Variants in JARID2 observed in about 807,000 individuals in gnomAD.
JARID2 encodes the protein protein Jumonji.
Under a neutral mutation model 125.6 loss-of-function variants are expected in JARID2, and 21 were observed. That is an observed-to-expected ratio of 0.17 (90% confidence interval 0.12 to 0.24). The LOEUF is 0.24. JARID2 is among the 10% of genes least tolerant of loss of function. The pLI is 1.00. For synonymous variants in JARID2, 736 were observed against 661.6 expected, an observed-to-expected ratio of 1.11 and a Z score of -1.73; for missense variants, 1,303 against 1,639.6, an observed-to-expected ratio of 0.79 and a Z score of 3.55.
chr6:15,449,955 T>A (rs1039408270), intron 3 of JARID2, among the ~76,000 whole-genome samples: 3 of 152,136 alleles, frequency 2.0e-5, no homozygotes, highest in Admixed American at 1.3e-4. Flanking sequence ...GTGGAGGATT[T>A]ATGAGGTTAA....
chr6:15,517,188 TTC>T lies in JARID2; in HGVS notation c.3480_3481del (p.Phe1160LeufsTer26). The part of the protein sequence containing the change: ...MVVQENENVV[F>X]CLECALRHVE... ...GGTACAAGAGAACGAAAACGTCGTG[TTC>T]TGTCTGGAGTGTGCTCTGCGCCACG... On this transcript the variant is annotated frameshift_variant, in exon 17 of 18. Coordinates refer to ENST00000341776, the MANE Select transcript of JARID2 (RefSeq NM_004973.4). LOFTEE classifies it high-confidence loss of function. 6.2e-7 allele frequency: 1 copy of T among 1,614,032 alleles called. No individual in the cohort carries two copies. The highest frequency in any genetic ancestry group is 8.5e-7 in the Non-Finnish European group (1 of 1,179,930).
chr6:15,358,955 A>C (rs1425750760), intron 1 of JARID2, among the ~76,000 whole-genome samples: 1 of 152,228 alleles, frequency 6.6e-6, no homozygotes, highest in African/African-American at 2.4e-5. Context: ...TGAGGAAGTC[A>C]TTAAGTGGTT....
chr6:15,488,832 C>T (rs1184408134), intron 6 of JARID2, among the ~76,000 whole-genome samples: 3 of 152,212 alleles, frequency 2.0e-5, no homozygotes, highest in African/African-American at 2.4e-5. Flanking sequence ...ACACTGGCCA[C>T]TGTTGGCCAA....
At chr6:15,375,787 G>C (rs540008213) in intron 2 of JARID2, among the ~76,000 whole-genome samples, 1 of 152,336 alleles carries the variant, frequency 6.6e-6, no homozygotes, top group East Asian at 1.9e-4. Context: ...GAGTGGAGCA[G>C]TGACTGCTGT....
chr6:15,246,175 A>G lies in JARID2; in HGVS notation c.-365A>G. On this transcript the variant is annotated 5_prime_UTR_variant, in exon 1 of 18. Coordinates refer to ENST00000341776, the MANE Select transcript of JARID2 (RefSeq NM_004973.4). The stretch of plus-strand genomic sequence containing the variant: ...TCCAAGATGTAACTACGGATCAGAC[A>G]CTAAGGACCTTCACGTTTCGCTGAT... The G allele has an allele frequency of 8.9e-6, 4 of 451,580 alleles. No homozygotes were observed. The highest frequency in any genetic ancestry group is 1.5e-5 in the Non-Finnish European group (4 of 258,516). The allele number at this position is 451,580 out of a possible 1,614,324, so 28.0% of individuals were successfully genotyped here. A position where few individuals can be genotyped will look rare whatever the true frequency, so the allele number is the denominator to read the frequency against.
At chr6:15,425,394 G>A (rs1188922281) in intron 3 of JARID2, among the ~76,000 whole-genome samples, 1 of 144,696 alleles carries the variant, frequency 6.9e-6, no homozygotes, top group African/African-American at 2.6e-5. Flanking sequence ...TGCATCCCAG[G>A]GAAAGTAGAG....
chr6:15,496,326 C>T lies in JARID2; in HGVS notation c.1101C>T (p.Pro367=). 6.2e-7 allele frequency: 1 copy of T among 1,614,182 alleles called. No homozygotes were observed. The highest frequency in any genetic ancestry group is 1.6e-4 in the Middle Eastern group (1 of 6,062). The part of the protein sequence containing the change: ...VKDTKPNHHK[P]SSAVNHTISG... ...ACACCAAACCCAATCACCACAAGCCCAGTTCCGCTGTCAACCACACAATCT... is the reference window on the plus strand; with the variant it reads ...ACACCAAACCCAATCACCACAAGCCTAGTTCCGCTGTCAACCACACAATCT... The change falls in exon 7 of 18, where the codon CCC becomes CCT. Residue 367 remains proline, a synonymous_variant. Transcript: ENST00000341776.
At chr6:15,279,308 GT>G (rs1403877296) in intron 1 of JARID2, among the ~76,000 whole-genome samples, 1 of 152,116 alleles carries the variant, frequency 6.6e-6, no homozygotes, top group Non-Finnish European at 1.5e-5. Context: ...TTCTGAAATG[GT>G]TGGAGCACGT....
chr6:15,366,144 G>A (rs960858722), intron 1 of JARID2, among the ~76,000 whole-genome samples: 19 of 152,188 alleles, frequency 1.2e-4, no homozygotes, highest in Admixed American at 1.2e-3. Flanking sequence ...GCTGGAACAG[G>A]TTTGGCATAT....
chr6:15,251,762 AG>A (rs34808542), intron 1 of JARID2, among the ~76,000 whole-genome samples: 79,244 of 151,922 alleles, frequency 0.52, 21,421 homozygotes, highest in African/African-American at 0.67. Context: ...GCGGATCATG[AG>A]GGTCAGGAGT....
intron 1 of JARID2, among the ~76,000 whole-genome samples, chr6:15,345,736 G>T (rs935569532): frequency 1.3e-5 from 2 of 152,202 alleles, no homozygotes; most frequent in Non-Finnish European, 2.9e-5. Flanking sequence ...TTCTGAGAAA[G>T]AATTCCATTT....
chr6:15,432,063 G>A (rs1158143603), intron 3 of JARID2, among the ~76,000 whole-genome samples: 1 of 150,494 alleles, frequency 6.6e-6, no homozygotes, highest in African/African-American at 2.4e-5. Flanking sequence ...GGTTCTTGGC[G>A]TTTTGAACAA....
chr6:15,308,604 A>G (rs1375688089), intron 1 of JARID2, among the ~76,000 whole-genome samples: 2 of 152,234 alleles, frequency 1.3e-5, no homozygotes, highest in African/African-American at 4.8e-5. Flanking sequence ...CCTTAAAAAC[A>G]ACGAGATTAG....
intron 1 of JARID2, among the ~76,000 whole-genome samples, chr6:15,315,874 G>A (rs1278794146): frequency 1.3e-5 from 2 of 152,170 alleles, no homozygotes; most frequent in African/African-American, 2.4e-5. Context: ...TCAGACATGA[G>A]TTTCTCAGGG....
intron 1 of JARID2, among the ~76,000 whole-genome samples, chr6:15,295,410 T>C (rs775832447): frequency 4.6e-5 from 7 of 152,190 alleles, no homozygotes; most frequent in Admixed American, 2.6e-4. Flanking sequence ...CGTGAGCCAC[T>C]GCTCCTGTCA....
intron 1 of JARID2, among the ~76,000 whole-genome samples, chr6:15,372,572 G>A (rs1764211475): frequency 6.6e-6 from 1 of 152,062 alleles, no homozygotes; most frequent in African/African-American, 2.4e-5. Context: ...ATGTTGGCCA[G>A]GTTGGTCTCA....
At chr6:15,364,334 G>A (rs1763900277) in intron 1 of JARID2, among the ~76,000 whole-genome samples, 1 of 152,234 alleles carries the variant, frequency 6.6e-6, no homozygotes, top group Admixed American at 6.5e-5. Context: ...TGGGTACTTG[G>A]AGACTGGCTG....
intron 3 of JARID2, among the ~76,000 whole-genome samples, chr6:15,444,189 C>T (rs778038217): frequency 6.6e-6 from 1 of 152,170 alleles, no homozygotes; most frequent in Non-Finnish European, 1.5e-5. Context: ...GCTGACCTCC[C>T]GTTTTGTCAT....
intron 1 of JARID2, among the ~76,000 whole-genome samples, chr6:15,273,416 TTTCAGCCAGATGTGGTGGC>T (rs1760375734): frequency 6.6e-6 from 1 of 152,210 alleles, no homozygotes. Context: ...AAAAACTGTT[TTTCAGCCAGATGTGGTGGC>T]TCACGCCTGT....
Sources: gnomAD v4.1 joint callset for allele counts (sites outside exome capture counted in the v4.1 genomes callset) on GRCh38, gnomAD v4.1.1 for gene constraint, MANE v1.5 for transcripts, NCBI Gene and HGNC (gene_info 2026-07-23, HGNC 2026-07-21) for gene names.